Variants in HLCS observed in about 807,000 individuals in gnomAD.
The protein encoded by HLCS is biotin--protein ligase.
In HLCS, 53 loss-of-function variants were observed where a neutral mutation model predicts 75.0. That is an observed-to-expected ratio of 0.71 (90% CI 0.57 to 0.89). HLCS has a LOEUF of 0.89. Ranked by LOEUF, HLCS falls within the 40% of genes least tolerant of loss-of-function variation. HLCS has a pLI of 0.00. For missense variants in HLCS, 966 were observed against 1,074.0 expected (o/e 0.90, Z 1.41); for synonymous variants, 431 against 428.6 (o/e 1.01, Z -0.07).
At chr21:36,801,384 T>C (rs2061196162) in intron 6 of HLCS, among the ~76,000 whole-genome samples, 1 of 152,224 alleles carries the variant, frequency 6.6e-6, no homozygotes, top group Non-Finnish European at 1.5e-5. Flanking sequence ...TGCCACATTC[T>C]ATTATAACAA....
rs763338646 is a variant in HLCS at position 36,765,160 on chromosome 21, T to A, written c.1973A>T (p.Asn658Ile). 1 of 1,614,082 alleles carries A rather than the reference T, an allele frequency of 6.2e-7. No homozygotes were observed. Among genetic ancestry groups the A allele is most frequent in the Admixed American group, 1.7e-5 (1 of 60,018 alleles). ...RQTEGKGRGG[N>I]VWLSPVGCAL... is the part of the protein sequence containing the mutation. ...ACATCCCACAGGGCTCAGCCACACA[T>A]TCCCTCCCCGTCCTGGAACACAGGC... The change falls in exon 8 of 11, where the codon AAT (asparagine) becomes ATT (isoleucine). Residue 658 changes from asparagine to isoleucine, a missense_variant. By Grantham distance (149) the Asn-to-Ile change is moderately radical. Coordinates refer to ENST00000674895, the MANE Select transcript of HLCS (RefSeq NM_001352514.2).
chr21:36,891,320 T>A (rs149966707), intron 6 of HLCS, among the ~76,000 whole-genome samples: 6 of 152,196 alleles, frequency 3.9e-5, no homozygotes, highest in Admixed American at 3.9e-4. Flanking sequence ...TCTCAGCCTA[T>A]CTCATTTGCA....
intron 6 of HLCS, among the ~76,000 whole-genome samples, chr21:36,791,169 CCT>C (rs1262753687): frequency 6.6e-6 from 1 of 152,140 alleles, no homozygotes; most frequent in East Asian, 1.9e-4. Flanking sequence ...TAAGAAGCGT[CCT>C]CTGTTGTAAA....
chr21:36,811,041 T>C (rs577601696), intron 6 of HLCS, among the ~76,000 whole-genome samples: 10 of 152,264 alleles, frequency 6.6e-5, no homozygotes, highest in African/African-American at 2.2e-4. Context: ...ACTCATTTAA[T>C]TGGCAGATAA....
intron 5 of HLCS, among the ~76,000 whole-genome samples, chr21:36,916,517 A>ATTTTT (rs1569188583): frequency 2.9e-5 from 4 of 136,540 alleles, no homozygotes; most frequent in Non-Finnish European, 3.1e-5. Context: ...ATGCCTAGCT[A>ATTTTT]ATTTTTTTTT....
At chr21:36,975,540 G>A (rs996620164) in intron 1 of HLCS, among the ~76,000 whole-genome samples, 7 of 152,160 alleles carry the variant, frequency 4.6e-5, no homozygotes, top group African/African-American at 1.7e-4. Context: ...CCCAGAAAGT[G>A]CAGGCAGTCT....
intron 6 of HLCS, among the ~76,000 whole-genome samples, chr21:36,794,035 G>A (rs899325022): frequency 2.0e-5 from 3 of 152,234 alleles, no homozygotes; most frequent in Admixed American, 1.3e-4. Flanking sequence ...TACTAAGGAC[G>A]AGCTACGGGT....
chr21:36,936,982 C>T lies in HLCS; in HGVS notation c.904G>A (p.Val302Ile). 3 of 1,614,138 alleles carry T rather than the reference C, an allele frequency of 1.9e-6. No individual in the cohort carries two copies. Among genetic ancestry groups the T allele is most frequent in the East Asian group, 2.2e-5 (1 of 44,874 alleles). Residue 302 changes from valine to isoleucine, a missense_variant, in exon 4 of 11, where the codon GTC becomes ATC. Coordinates refer to ENST00000674895, the MANE Select transcript of HLCS (RefSeq NM_001352514.2). ...ETSPEREGRR[V>I]NLTGKAPNIL... ...TTGGGTGCCTTTCCCGTGAGGTTGA[C>T]TCTCCTCCCTTCTCTTTCGGGGGAG...
intron 6 of HLCS, among the ~76,000 whole-genome samples, chr21:36,811,401 C>G (rs2061505743): frequency 6.6e-6 from 1 of 152,330 alleles, no homozygotes. Flanking sequence ...AAAACTATAA[C>G]CTACTGCAGG....
intron 6 of HLCS, among the ~76,000 whole-genome samples, chr21:36,788,924 T>TG (rs1217469541): frequency 6.6e-6 from 1 of 152,162 alleles, no homozygotes; most frequent in Non-Finnish European, 1.5e-5. Context: ...AAAGTTCTAG[T>TG]GGGTAAGAGA....
At chr21:36,948,681 A>G (rs2067523382) in intron 2 of HLCS, among the ~76,000 whole-genome samples, 2 of 141,074 alleles carry the variant, frequency 1.4e-5, no homozygotes, top group Admixed American at 7.6e-5. Flanking sequence ...GTGAGCCATG[A>G]TCATGCCACT....
At chr21:36,857,915 G>A (rs953727921) in intron 6 of HLCS, among the ~76,000 whole-genome samples, 1 of 151,732 alleles carries the variant, frequency 6.6e-6, no homozygotes, top group Non-Finnish European at 1.5e-5. Context: ...TCAGCCTCCC[G>A]AGTAGCTGGG....
At chr21:36,928,683 G>A (rs556711829) in intron 5 of HLCS, among the ~76,000 whole-genome samples, 2 of 152,310 alleles carry the variant, frequency 1.3e-5, no homozygotes, top group South Asian at 4.2e-4. Context: ...GCAGCTGAGA[G>A]GAAAGTAGTC....
chr21:36,808,948 T>C (rs2061434084), intron 6 of HLCS, among the ~76,000 whole-genome samples: 2 of 152,180 alleles, frequency 1.3e-5, no homozygotes, highest in South Asian at 4.1e-4. Flanking sequence ...GCGTGGTGGC[T>C]CACACCTGTA....
chr21:36,917,824 G>A (rs1186169629), intron 5 of HLCS, among the ~76,000 whole-genome samples: 3 of 151,838 alleles, frequency 2.0e-5, no homozygotes, highest in South Asian at 2.1e-4. Context: ...AATGAAGGTC[G>A]CTGCAAGCAG....
chr21:36,818,558 G>A (rs992959199), intron 6 of HLCS, among the ~76,000 whole-genome samples: 4 of 152,104 alleles, frequency 2.6e-5, no homozygotes, highest in African/African-American at 9.7e-5. Context: ...TACATGAAAC[G>A]GCAAGGGAAG....
chr21:36,862,179 T>C (rs1410254182), intron 6 of HLCS, among the ~76,000 whole-genome samples: 1 of 152,256 alleles, frequency 6.6e-6, no homozygotes, highest in African/African-American at 2.4e-5. Flanking sequence ...ACATTTTATT[T>C]ATCCATTCAT....
At chr21:36,939,822 G>A (rs564194962) in intron 2 of HLCS, among the ~76,000 whole-genome samples, 20 of 152,314 alleles carry the variant, frequency 1.3e-4, no homozygotes, top group African/African-American at 4.8e-4. Flanking sequence ...AATCATCACT[G>A]TCTGTCCTCG....
rs1248428556 is a variant in HLCS, at chr21:36,831,153, T to C, written c.1893-63868A>G. Among the ~76,000 whole-genome samples, 3 of 152,202 alleles carry C rather than the reference T, an allele frequency of 2.0e-5. No individual in the cohort carries two copies. In the South Asian group the frequency reaches 6.2e-4, roughly 32 times the overall value. On this transcript the variant is annotated intron_variant, in intron 6 of 10. Transcript: ENST00000674895. ...ACGTGATCCCATGGCCTTATTCAAG[T>C]AGAAGCTCCAATCTATTTTTTTTAA...
Sources: gnomAD v4.1 joint callset for allele counts (sites outside exome capture counted in the v4.1 genomes callset) on GRCh38, gnomAD v4.1.1 for gene constraint, MANE v1.5 for transcripts, NCBI Gene and HGNC (gene_info 2026-07-23, HGNC 2026-07-21) for gene names.